The following SUCLG1 variants were observed in gnomAD, a reference collection of about 807,000 sequenced individuals.
SUCLG1 encodes succinate--CoA ligase [ADP/GDP-forming] subunit alpha, mitochondrial.
Under a neutral mutation model 37.3 loss-of-function variants are expected in SUCLG1, and 26 were observed. That is an observed-to-expected ratio of 0.70 (90% confidence interval 0.51 to 0.97). SUCLG1 has a LOEUF of 0.97. Ranked by LOEUF, SUCLG1 falls within the 50% of genes least tolerant of loss-of-function variation. SUCLG1 has a pLI of 0.00. For missense variants in SUCLG1, 433 were observed against 432.9 expected (o/e 1.00, Z 0.00); for synonymous variants, 163 against 155.6 (o/e 1.05, Z -0.36).
In SUCLG1 at chr2:84,433,430, C is replaced by G. The variant is rs771606328; in HGVS notation, c.595G>C (p.Val199Leu). Residue 199 changes from valine to leucine, a missense_variant, in exon 6 of 9, where the codon GTG becomes CTG. Transcript: ENST00000393868. ...TAAGTCAGGGTGCCAGATCTGGACA[C>G]AATGCCTTAACGAAAGAGAATTCAA... ...HIHKKGRIGI[V>L]SRSGTLTYEA... is the part of the protein sequence containing the mutation. The G allele has an allele frequency of 6.2e-7, 1 of 1,613,560 alleles. No homozygotes were observed. The highest frequency in any genetic ancestry group is 1.3e-5 in the African/African-American group (1 of 74,902).
chr2:84,435,995 T>C (rs1198280536), intron 5 of SUCLG1, among the ~76,000 whole-genome samples: 7 of 152,236 alleles, frequency 4.6e-5, no homozygotes, highest in African/African-American at 1.7e-4. Flanking sequence ...ATCTCTTGGT[T>C]GAATTTTTTC....
intron 1 of SUCLG1, among the ~76,000 whole-genome samples, chr2:84,454,630 A>C (rs939891903): frequency 3.3e-5 from 5 of 152,352 alleles, no homozygotes; most frequent in East Asian, 3.8e-4. Flanking sequence ...ACAAAAAAAA[A>C]CAAAACTACC....
intron 5 of SUCLG1, among the ~76,000 whole-genome samples, chr2:84,438,563 C>T (rs112634407): frequency 1.3e-5 from 2 of 152,200 alleles, no homozygotes; most frequent in Non-Finnish European, 2.9e-5. Context: ...TTTCCCTTAA[C>T]TCTCAACCTA....
At chr2:84,458,209 A>G (rs1375391501) in intron 1 of SUCLG1, among the ~76,000 whole-genome samples, 1 of 152,062 alleles carries the variant, frequency 6.6e-6, no homozygotes, top group African/African-American at 2.4e-5. Context: ...TACATGTGAC[A>G]ACCACTGGTG....
chr2:84,457,986 T>C (rs1673051488), intron 1 of SUCLG1, among the ~76,000 whole-genome samples: 1 of 151,988 alleles, frequency 6.6e-6, no homozygotes, highest in Admixed American at 6.6e-5. Context: ...ACTTTCAGAA[T>C]GTAATCTTCT....
intron 5 of SUCLG1, among the ~76,000 whole-genome samples, chr2:84,436,941 G>C (rs1672694813): frequency 6.6e-6 from 1 of 152,076 alleles, no homozygotes; most frequent in Non-Finnish European, 1.5e-5. Context: ...CTCATCAATG[G>C]AGTAAGACCA....
chr2:84,434,742 A>G (rs933091132), intron 5 of SUCLG1, among the ~76,000 whole-genome samples: 23 of 137,010 alleles, frequency 1.7e-4, no homozygotes, highest in African/African-American at 6.9e-4. Context: ...AACCATAACT[A>G]TAAGTTACCT....
chr2:84,439,613 T>A (rs1558611273), intron 5 of SUCLG1, among the ~76,000 whole-genome samples: 1 of 152,176 alleles, frequency 6.6e-6, no homozygotes, highest in South Asian at 2.1e-4. Context: ...AAAATCATGA[T>A]CTTTAACCCA....
At position 84,459,199 on chromosome 2, in the gene SUCLG1, G is replaced by GC. The variant is rs2104276863; in HGVS notation, c.70dup (p.Ala24GlyfsTer30). 1 of 1,550,046 alleles carries GC rather than the reference G, an allele frequency of 6.5e-7. No homozygotes were observed. Among genetic ancestry groups the GC allele is most frequent in the African/African-American group, 1.4e-5 (1 of 73,160 alleles). ...GAGGAAGCTGCGCGACAGGAGACGG[G>GC]CGGCGGCGAGGCCGCTGCTGCCGGA... On this transcript the variant is annotated frameshift_variant, in exon 1 of 9. Transcript: ENST00000393868. LOFTEE classifies it high-confidence loss of function.
At chr2:84,458,494 T>C (rs1042568397) in intron 1 of SUCLG1, 4 of 152,212 alleles carry the variant, frequency 2.6e-5, no homozygotes, top group African/African-American at 9.6e-5. Context: ...GAATTTTCCA[T>C]AGTCAGCGTG....
chr2:84,439,938 A>G (rs1573368736), intron 5 of SUCLG1, among the ~76,000 whole-genome samples: 1 of 152,214 alleles, frequency 6.6e-6, no homozygotes, highest in Non-Finnish European at 1.5e-5. Context: ...AAAGTTTGTG[A>G]TATCTAAAAG....
rs910807652 is a variant in SUCLG1, at chr2:84,433,378, A to G, written c.647T>C (p.Val216Ala). 14 of 1,613,994 alleles carry G rather than the reference A, an allele frequency of 8.7e-6. No homozygotes were observed. The highest frequency in any genetic ancestry group is 1.2e-5 in the Non-Finnish European group (14 of 1,179,890). Residue 216 changes from valine to alanine, a missense_variant, in exon 6 of 9, where the codon GTT becomes GCT. Coordinates refer to ENST00000393868, the MANE Select transcript of SUCLG1 (RefSeq NM_003849.4). The part of the protein sequence containing the change: ...TYEAVHQTTQ[V>A]GLGQSLCVGI... ...AACGCACAAAGACTGCCCCAATCCA[A>G]CTTGCGTTGTTTGGTGAACTGCTTC...
chr2:84,442,044 A>AAGAGC (rs1454394116), intron 3 of SUCLG1, among the ~76,000 whole-genome samples: 2 of 152,206 alleles, frequency 1.3e-5, no homozygotes, highest in Non-Finnish European at 2.9e-5. Context: ...AGCCCTTTGT[A>AAGAGC]AGAGCAGAAC....
intron 7 of SUCLG1, 57 bp from the exon 8 acceptor site, chr2:84,425,660 C>G (rs1672525870): frequency 3.8e-6 from 6 of 1,591,228 alleles, no homozygotes; most frequent in South Asian, 3.3e-5. Flanking sequence ...AAAACGGGAC[C>G]TCAAATTCAT....
chr2:84,431,876 C>T (rs1672618774), intron 6 of SUCLG1, among the ~76,000 whole-genome samples: 1 of 152,058 alleles, frequency 6.6e-6, no homozygotes, highest in African/African-American at 2.4e-5. Context: ...TGGTTGGTTC[C>T]TGATATTCTA....
intron 2 of SUCLG1, among the ~76,000 whole-genome samples, chr2:84,448,187 A>AAC (rs1553394218): frequency 7.0e-6 from 1 of 143,766 alleles, no homozygotes; most frequent in African/African-American, 2.9e-5. Context: ...AAAAAAACAA[A>AAC]AAACAAAAAA....
Position 84,423,766 on chromosome 2 carries a change from CA to C in SUCLG1, c.1020del (p.Phe340LeufsTer35). On this transcript the variant is annotated frameshift_variant, in exon 9 of 9. Coordinates refer to ENST00000393868, the MANE Select transcript of SUCLG1 (RefSeq NM_003849.4). LOFTEE classifies it high-confidence loss of function. ...TTCTTTCATAGCATCTTCCTCTTTT[CA>C]AATTCCTTCAGAAACAGAAGAGAGA... ...AQLGTTIYKEFEKRKML is the reference protein window; with the variant it reads ...AQLGTTIYKEXEKRKML The C allele has an allele frequency of 6.2e-7, 1 of 1,605,948 alleles. No homozygotes were observed. Among genetic ancestry groups the C allele is most frequent in the Non-Finnish European group, 8.5e-7 (1 of 1,175,496 alleles).
intron 1 of SUCLG1, among the ~76,000 whole-genome samples, chr2:84,453,128 A>C (rs1672965768): frequency 6.6e-6 from 1 of 152,170 alleles, no homozygotes; most frequent in Non-Finnish European, 1.5e-5. Flanking sequence ...TAAAACCCAA[A>C]AGCAATAATA....
In SUCLG1 at chr2:84,455,704, C is replaced by T. The variant is rs111745174; in HGVS notation, c.97+3469G>A. The stretch of plus-strand genomic sequence containing the variant: ...CAAAAAAATTAGCCAGGTGTGGTGG[C>T]GGGTGCCTGTAGTCCCAGCTACTGG... On this transcript the variant is annotated intron_variant, in intron 1 of 8. Coordinates refer to ENST00000393868, the MANE Select transcript of SUCLG1 (RefSeq NM_003849.4). Among the ~76,000 whole-genome samples, 923 of 151,820 alleles carry T rather than the reference C, an allele frequency of 6.1e-3. 7 individuals carry two copies. The highest frequency in any genetic ancestry group is 0.02 in the African/African-American group (821 of 41,374).
Sources: gnomAD v4.1 joint callset for allele counts (sites outside exome capture counted in the v4.1 genomes callset) on GRCh38, gnomAD v4.1.1 for gene constraint, MANE v1.5 for transcripts, NCBI Gene and HGNC (gene_info 2026-07-23, HGNC 2026-07-21) for gene names.